KCNIP4: variants seen among roughly 807,000 people sequenced by gnomAD.
KCNIP4 encodes the protein Kv channel-interacting protein 4.
In KCNIP4, 12 loss-of-function variants were observed where a neutral mutation model predicts 34.0. The observed-to-expected ratio is 0.35, with a 90% CI of 0.23 to 0.57. The LOEUF (loss-of-function observed/expected upper bound fraction) is 0.57, where lower values mean the gene tolerates loss of function less well. KCNIP4 is among the 20% of genes least tolerant of loss of function. The pLI is 0.83. For synonymous variants in KCNIP4, 124 were observed against 102.2 expected, an observed-to-expected ratio of 1.21 and a Z score of -1.29; for missense variants, 238 against 311.7, an observed-to-expected ratio of 0.76 and a Z score of 1.78.
At chr4:21,311,202 T>C (rs1713119147) in intron 1 of KCNIP4, among the ~76,000 whole-genome samples, 1 of 152,158 alleles carries the variant, frequency 6.6e-6, no homozygotes, top group Admixed American at 6.5e-5. Flanking sequence ...TATCTTAATA[T>C]GTCCATATAA....
intron 1 of KCNIP4, among the ~76,000 whole-genome samples, chr4:21,171,811 G>T (rs893161005): frequency 1.1e-4 from 17 of 152,268 alleles, no homozygotes; most frequent in African/African-American, 3.9e-4. Flanking sequence ...CTCAGCACTT[G>T]CTCAGTTCAT....
chr4:21,213,546 C>G (rs1313221675), intron 1 of KCNIP4, among the ~76,000 whole-genome samples: 1 of 152,096 alleles, frequency 6.6e-6, no homozygotes, highest in Non-Finnish European at 1.5e-5. Context: ...AGGTGATCCA[C>G]CTGCCTTGCC....
chr4:20,922,547 GTCTATCTATCTATCTA>G (rs1553916287), intron 1 of KCNIP4, among the ~76,000 whole-genome samples: 308 of 129,522 alleles, frequency 2.4e-3, no homozygotes, highest in Non-Finnish European at 2.8e-3. Context: ...CTGTCTGTCT[GTCTATCTATCTATCTA>G]TCTATCTATC....
In KCNIP4 at chr4:21,770,107, G is replaced by A. The variant is rs1197118605; in HGVS notation, c.61+178464C>T. On this transcript the variant is annotated intron_variant, in intron 1 of 8. Transcript: ENST00000382152. The stretch of plus-strand genomic sequence containing the variant: ...CTGCACCTATTGACTTTTCCTTTAA[G>A]TTCCCTCCCCTCACCCCCTAACCCC... Among the ~76,000 whole-genome samples, 3 of 151,434 alleles carry A rather than the reference G, an allele frequency of 2.0e-5. 1 individual carries two copies. In the South Asian group the frequency reaches 6.2e-4, roughly 31 times the overall value.
chr4:21,418,017 G>A (rs1725123054), intron 1 of KCNIP4, among the ~76,000 whole-genome samples: 2 of 152,156 alleles, frequency 1.3e-5, no homozygotes, highest in Non-Finnish European at 2.9e-5. Context: ...CCTCCATGCA[G>A]AAACTCAAAT....
At chr4:21,601,602 CT>C (rs1441174651) in intron 1 of KCNIP4, among the ~76,000 whole-genome samples, 3 of 152,136 alleles carry the variant, frequency 2.0e-5, no homozygotes, top group East Asian at 3.9e-4. Flanking sequence ...TCTCCAATGG[CT>C]TCCTGCTGCA....
chr4:20,848,571 T>C (rs1720654601), intron 3 of KCNIP4, among the ~76,000 whole-genome samples: 1 of 152,142 alleles, frequency 6.6e-6, no homozygotes, highest in South Asian at 2.1e-4. Flanking sequence ...GCCACTTGTA[T>C]TAGACATGCT....
At chr4:21,469,218 C>T (rs1730255129) in intron 1 of KCNIP4, among the ~76,000 whole-genome samples, 1 of 152,070 alleles carries the variant, frequency 6.6e-6, no homozygotes, top group Non-Finnish European at 1.5e-5. Flanking sequence ...GCACGTGCCA[C>T]CATGCCTGGC....
rs1270255652 is a variant in KCNIP4, at chr4:20,729,220, C to CATTACTAT, written c.*854_*861dup. ...GCTGTTAGGATTACTTGTTATTAAGCATTACTATATACTGGAGGATAGATA... is the reference window on the plus strand; with the variant it reads ...GCTGTTAGGATTACTTGTTATTAAGCATTACTATATTACTATATACTGGAGGATAGATA... On this transcript the variant is annotated 3_prime_UTR_variant, in exon 9 of 9. Transcript: ENST00000382152. 1 of 151,628 alleles carries CATTACTAT rather than the reference C, an allele frequency of 6.6e-6. No individual in the cohort carries two copies. The highest frequency in any genetic ancestry group is 1.5e-5 in the Non-Finnish European group (1 of 67,920). The allele number at this position is 151,628 out of a possible 1,614,324, so 9.4% of individuals were successfully genotyped here.
chr4:20,867,446 T>A (rs1722990447), intron 2 of KCNIP4, among the ~76,000 whole-genome samples: 1 of 152,044 alleles, frequency 6.6e-6, no homozygotes, highest in Non-Finnish European at 1.5e-5. Context: ...ATTCAATAAA[T>A]GGAGCTGGGA....
intron 1 of KCNIP4, among the ~76,000 whole-genome samples, chr4:21,454,658 C>T (rs541041701): frequency 6.6e-6 from 1 of 152,164 alleles, no homozygotes; most frequent in South Asian, 2.1e-4. Flanking sequence ...TCCATTTTGC[C>T]AGTGCAACTA....
chr4:21,940,048 A>G (rs1730116489), intron 1 of KCNIP4, among the ~76,000 whole-genome samples: 1 of 152,206 alleles, frequency 6.6e-6, no homozygotes, highest in Non-Finnish European at 1.5e-5. Flanking sequence ...CTTTAAACAG[A>G]AGTTATAGCT....
chr4:21,262,916 C>A (rs1324078009), intron 1 of KCNIP4, among the ~76,000 whole-genome samples: 2 of 152,202 alleles, frequency 1.3e-5, no homozygotes, highest in Non-Finnish European at 2.9e-5. Flanking sequence ...TAGTATACCT[C>A]CAGCACCTAG....
At chr4:21,817,151 C>A (rs1292037570) in intron 1 of KCNIP4, among the ~76,000 whole-genome samples, 1 of 152,110 alleles carries the variant, frequency 6.6e-6, no homozygotes, top group Non-Finnish European at 1.5e-5. Flanking sequence ...AGACCCAGAA[C>A]TGTTGCCAGT....
intron 1 of KCNIP4, among the ~76,000 whole-genome samples, chr4:21,441,909 T>C (rs1308983415): frequency 6.6e-6 from 1 of 152,232 alleles, no homozygotes; most frequent in Non-Finnish European, 1.5e-5. Flanking sequence ...TAATATTTGT[T>C]GAAAATCTAA....
intron 1 of KCNIP4, among the ~76,000 whole-genome samples, chr4:21,033,851 T>C (rs961518004): frequency 2.0e-5 from 3 of 152,214 alleles, no homozygotes; most frequent in African/African-American, 7.2e-5. Context: ...GCAAGCATTC[T>C]GCTTATATGA....
At chr4:21,807,102 C>T (rs1721342868) in intron 1 of KCNIP4, among the ~76,000 whole-genome samples, 2 of 151,974 alleles carry the variant, frequency 1.3e-5, no homozygotes, top group African/African-American at 4.8e-5. Context: ...CAACCTAGAG[C>T]CCTTCACATG....
intron 5 of KCNIP4, among the ~76,000 whole-genome samples, chr4:20,740,833 C>T (rs1424243895): frequency 6.6e-6 from 1 of 152,056 alleles, no homozygotes; most frequent in African/African-American, 2.4e-5. Context: ...CCCATCTCGC[C>T]TGCAGAGACA....
In KCNIP4 at chr4:21,632,736, CCATTA is replaced by C. The variant is rs373350684; in HGVS notation, c.61+315830_61+315834del. Among the ~76,000 whole-genome samples the C allele has an allele frequency of 1.2e-3, 178 of 152,268 alleles. 2 individuals carry two copies. The highest frequency in any genetic ancestry group is 3.9e-3 in the African/African-American group (160 of 41,550). Reference sequence around the variant, plus strand: ...TGAGGGAAGCAGATAAGAAAATTCACCATTACATTAGACTCATATAGGTGCCACAA... The same window carrying C: ...TGAGGGAAGCAGATAAGAAAATTCACCATTAGACTCATATAGGTGCCACAA... On this transcript the variant is annotated intron_variant, in intron 1 of 8. Coordinates refer to ENST00000382152, the MANE Select transcript of KCNIP4 (RefSeq NM_025221.6).
Sources: allele counts gnomAD v4.1 joint callset (sites outside exome capture counted in the v4.1 genomes callset), GRCh38; gene constraint gnomAD v4.1.1; transcripts MANE v1.5; gene names NCBI Gene and HGNC (gene_info 2026-07-23, HGNC 2026-07-21).